HPSE2: variants seen among roughly 807,000 people sequenced by gnomAD.
HPSE2 encodes inactive heparanase-2.
A neutral mutation model predicts 60.5 loss-of-function variants in HPSE2; 38 were observed. That is an observed-to-expected ratio of 0.63 (90% CI 0.48 to 0.82). The LOEUF is 0.82. Ranked by LOEUF, HPSE2 falls within the 40% of genes least tolerant of loss-of-function variation. HPSE2 has a pLI of 0.00. For missense variants in HPSE2, 713 were observed against 740.4 expected (o/e 0.96, Z 0.43); for synonymous variants, 295 against 293.2 (o/e 1.01, Z -0.06).
chr10:98,888,135 AAC>A (rs3043548), intron 3 of HPSE2, among the ~76,000 whole-genome samples: 71,611 of 140,572 alleles, frequency 0.51, 19,742 homozygotes, highest in South Asian at 0.68. Flanking sequence ...TTTTAAAACA[AAC>A]ACACACACAC....
chr10:98,948,701 C>T (rs1955261784), intron 3 of HPSE2, among the ~76,000 whole-genome samples: 2 of 152,038 alleles, frequency 1.3e-5, no homozygotes, highest in African/African-American at 4.8e-5. Flanking sequence ...GCCTTTCCTG[C>T]CACACCTTCT....
chr10:98,858,475 A>G (rs1952372045), intron 3 of HPSE2, among the ~76,000 whole-genome samples: 1 of 152,216 alleles, frequency 6.6e-6, no homozygotes, highest in African/African-American at 2.4e-5. Context: ...GTTGACTTCC[A>G]TGGTTTTAAT....
Position 99,235,754 on chromosome 10 carries a change from G to A in HPSE2, c.49C>T (p.Arg17Cys). The change falls in exon 1 of 12, where the codon CGC becomes TGC. Residue 17 changes from arginine (R) to cysteine (C), a missense_variant. By Grantham distance (180) the Arg-to-Cys change is radical (BLOSUM62 -3). Transcript: ENST00000370552. ...FPEAMPSSNS[R>C]PPACLAPGAL... ...CCCGGGGCTAGGCACGCGGGGGGGC[G>A]GGAGTTGCTGGAGGGCATGGCTTCA... 4 of 1,613,864 alleles carry A rather than the reference G, an allele frequency of 2.5e-6. No individual in the cohort carries two copies. The highest frequency in any genetic ancestry group is 3.4e-6 in the Non-Finnish European group (4 of 1,179,912).
chr10:99,074,418 G>T (rs12572703), intron 3 of HPSE2, among the ~76,000 whole-genome samples: 2,416 of 152,112 alleles, frequency 0.016, 88 homozygotes, highest in East Asian at 0.14. Flanking sequence ...TCTAATCATG[G>T]TGTATTTTCC....
intron 3 of HPSE2, among the ~76,000 whole-genome samples, chr10:98,760,446 A>T (rs1015070502): frequency 2.0e-5 from 3 of 152,066 alleles, no homozygotes; most frequent in African/African-American, 7.2e-5. Context: ...CATGTCATAT[A>T]TGACCTTTAT....
chr10:98,763,395 T>C (rs1950049482), intron 3 of HPSE2, among the ~76,000 whole-genome samples: 1 of 151,636 alleles, frequency 6.6e-6, no homozygotes, highest in Admixed American at 6.6e-5. Context: ...AACCCATACA[T>C]ACCCAGACAC....
At chr10:98,629,173 C>T (rs777114155) in intron 7 of HPSE2, among the ~76,000 whole-genome samples, 15 of 152,180 alleles carry the variant, frequency 9.9e-5, no homozygotes, top group Admixed American at 2.6e-4. Context: ...ACAGGAATAG[C>T]GGACAGGCCA....
At chr10:98,708,673 A>T (rs1187071057) in intron 5 of HPSE2, among the ~76,000 whole-genome samples, 2 of 152,178 alleles carry the variant, frequency 1.3e-5, no homozygotes, top group East Asian at 3.9e-4. Flanking sequence ...ACCATATGGA[A>T]GCATTTCTAC....
intron 7 of HPSE2, among the ~76,000 whole-genome samples, chr10:98,624,872 G>A (rs1303512670): frequency 6.6e-6 from 1 of 152,180 alleles, no homozygotes; most frequent in African/African-American, 2.4e-5. Context: ...AAACATTTAT[G>A]TGGGTCCTTC....
At chr10:99,069,792 A>T (rs1842728724) in intron 3 of HPSE2, among the ~76,000 whole-genome samples, 1 of 152,114 alleles carries the variant, frequency 6.6e-6, no homozygotes, top group East Asian at 1.9e-4. Flanking sequence ...GTTTGTTCTT[A>T]TCTAAAGAGG....
intron 5 of HPSE2, among the ~76,000 whole-genome samples, chr10:98,715,400 C>T (rs1419842957): frequency 6.6e-6 from 1 of 151,920 alleles, no homozygotes; most frequent in East Asian, 1.9e-4. Flanking sequence ...ATACCAATTA[C>T]AGATTTTTAT....
chr10:98,818,832 G>T (rs1951352014), intron 3 of HPSE2, among the ~76,000 whole-genome samples: 2 of 152,274 alleles, frequency 1.3e-5, no homozygotes, highest in African/African-American at 2.4e-5. Context: ...AAATAGTTTA[G>T]ATGATGATCT....
intron 9 of HPSE2, among the ~76,000 whole-genome samples, chr10:98,541,787 G>C (rs1158665625): frequency 1.3e-5 from 2 of 148,976 alleles, no homozygotes; most frequent in Non-Finnish European, 3.0e-5. Flanking sequence ...CCATTGCCCA[G>C]CCTTGCTTAG....
At chr10:98,815,240 C>T (rs1454664408) in intron 3 of HPSE2, among the ~76,000 whole-genome samples, 1 of 152,150 alleles carries the variant, frequency 6.6e-6, no homozygotes, top group African/African-American at 2.4e-5. Context: ...CATGATGGCA[C>T]CACTGCACTC....
intron 3 of HPSE2, among the ~76,000 whole-genome samples, chr10:98,825,810 C>T (rs1245172502): frequency 1.3e-5 from 2 of 152,182 alleles, no homozygotes; most frequent in South Asian, 2.1e-4. Context: ...CTTATATACA[C>T]ACACTCCTTT....
chr10:99,100,945 T>C (rs902329667), intron 3 of HPSE2, among the ~76,000 whole-genome samples: 1 of 151,558 alleles, frequency 6.6e-6, no homozygotes, highest in Non-Finnish European at 1.5e-5. Flanking sequence ...CAAAGGCTGA[T>C]TTTGTCACCA....
intron 3 of HPSE2, among the ~76,000 whole-genome samples, chr10:99,112,642 C>G (rs1288832734): frequency 6.6e-6 from 1 of 152,090 alleles, no homozygotes; most frequent in African/African-American, 2.4e-5. Context: ...TGGCTAAGTA[C>G]AATTTATCAT....
chr10:98,841,881 G>A (rs533033100), intron 3 of HPSE2, among the ~76,000 whole-genome samples: 1 of 149,942 alleles, frequency 6.7e-6, no homozygotes, highest in Non-Finnish European at 1.5e-5. Flanking sequence ...ATCTCAACTC[G>A]CTGCAACTTC....
intron 6 of HPSE2, among the ~76,000 whole-genome samples, chr10:98,653,502 CTATTA>C (rs1946975371): frequency 1.3e-5 from 2 of 149,722 alleles, no homozygotes; most frequent in Non-Finnish European, 3.0e-5. Flanking sequence ...TCTTAGTATA[CTATTA>C]TATTTCTTTC....
Sources: gnomAD v4.1 joint callset for allele counts (sites outside exome capture counted in the v4.1 genomes callset) on GRCh38, gnomAD v4.1.1 for gene constraint, MANE v1.5 for transcripts, NCBI Gene and HGNC (gene_info 2026-07-23, HGNC 2026-07-21) for gene names.